Variants in ESR1 observed in about 807,000 individuals in gnomAD.
ESR1 encodes the protein estrogen receptor 1.
Under a neutral mutation model 52.7 loss-of-function variants are expected in ESR1, and 12 were observed. The ratio of observed to expected loss-of-function variants is 0.23; its 90% CI spans 0.15 to 0.37. The LOEUF (loss-of-function observed/expected upper bound fraction) is 0.37. ESR1 is among the 10% of genes least tolerant of loss of function. The probability of loss-of-function intolerance (pLI) is 1.00; values close to 1 mark genes in which losing one functional copy is unlikely to be tolerated. For synonymous variants in ESR1, 305 were observed against 316.8 expected (o/e 0.96, Z 0.39); for missense variants, 584 against 779.7 (o/e 0.75, Z 2.99).
intron 5 of ESR1, among the ~76,000 whole-genome samples, chr6:152,017,827 T>C (rs1454838159): frequency 6.6e-6 from 1 of 152,084 alleles, no homozygotes; most frequent in Non-Finnish European, 1.5e-5. Context: ...TGATCCAGTT[T>C]CTAAGGAACT....
chr6:152,000,168 A>G (rs564583625), intron 4 of ESR1, among the ~76,000 whole-genome samples: 1 of 152,180 alleles, frequency 6.6e-6, no homozygotes, highest in Non-Finnish European at 1.5e-5. Context: ...CTGCAGGGAT[A>G]GTGTTACCAT....
chr6:151,676,165 G>A lies in ESR1; in HGVS notation n.73+19402G>A, dbSNP rs768788067. Among the ~76,000 whole-genome samples the A allele has an allele frequency of 1.8e-4, 27 of 152,164 alleles. 1 individual carries two copies. The highest frequency in any genetic ancestry group is 1.0e-3 in the South Asian group (5 of 4,824). On this transcript the variant is annotated intron_variant and non_coding_transcript_variant, in intron 1 of 2. Coordinates refer to the ESR1 transcript ENST00000473497. ...GCAGGGGTCACAGGGAGGAGAGGTT[G>A]GGTGGGCAGACAGGAGGTGCCCGAA...
At chr6:152,088,677 C>T (rs1011065991) in intron 6 of ESR1, among the ~76,000 whole-genome samples, 4 of 152,142 alleles carry the variant, frequency 2.6e-5, no homozygotes, top group South Asian at 4.1e-4. Context: ...CTCGGGACCC[C>T]GCAGAGTCCC....
intron 1 of ESR1, among the ~76,000 whole-genome samples, chr6:151,657,915 G>A (rs1777510945): frequency 6.6e-6 from 1 of 152,108 alleles, no homozygotes. Context: ...GATGACCAGA[G>A]TTGTTCACTC....
At chr6:152,110,763 A>G (rs1437776517) in intron 6 of ESR1, among the ~76,000 whole-genome samples, 1 of 152,190 alleles carries the variant, frequency 6.6e-6, no homozygotes, top group Non-Finnish European at 1.5e-5. Context: ...TTTTAACGCA[A>G]AAGGAGTATT....
Position 152,053,580 on chromosome 6 carries a change from CTT to C in ESR1, c.1236-7409_1236-7408del, listed in dbSNP as rs1389077595. ...TCTTTCTCTCAATCCCTCTCTCCCT[CTT>C]TCTCTCTCTCAATCTGTTTCTCTGT... On this transcript the variant is annotated intron_variant, in intron 5 of 7. Coordinates refer to ENST00000206249, the MANE Select transcript of ESR1 (RefSeq NM_000125.4). The surrounding 1 kb of genome is among the most constrained non-coding windows in gnomAD (Gnocchi z 4.1). Among the ~76,000 whole-genome samples the C allele has an allele frequency of 6.6e-6, 1 of 151,722 alleles. No homozygotes were observed. Among genetic ancestry groups the C allele is most frequent in the Non-Finnish European group, 1.5e-5 (1 of 67,930 alleles).
rs566496802 is a variant in ESR1 at position 151,713,803 on chromosome 6, A to AT, written c.-71+11807dup. On this transcript the variant is annotated intron_variant, in intron 2 of 2. Coordinates refer to the ESR1 transcript ENST00000404742. ...AAAAAACCAGCTCCTGTGTTCATTG[A>AT]TTTTTTTTTGAAGTTTATTTTGTGT... Among the ~76,000 whole-genome samples the AT allele has an allele frequency of 8.7e-3, 1,312 of 151,114 alleles. 18 individuals carry two copies. The highest frequency in any genetic ancestry group is 0.03 in the African/African-American group (1,232 of 41,202).
At chr6:151,922,545 TG>T (rs2031906173) in intron 3 of ESR1, among the ~76,000 whole-genome samples, 1 of 152,216 alleles carries the variant, frequency 6.6e-6, no homozygotes, top group East Asian at 1.9e-4. Context: ...TTTGGCCATT[TG>T]GAGATTTTTC....
chr6:151,740,285 AT>A (rs386408967), intron 2 of ESR1, among the ~76,000 whole-genome samples: 3,797 of 107,896 alleles, frequency 0.035, 42 homozygotes, highest in African/African-American at 0.058. Flanking sequence ...TGCCTGGCTA[AT>A]TTTTTTTTTT....
intron 1 of ESR1, among the ~76,000 whole-genome samples, chr6:151,695,021 C>T (rs1489682325): frequency 1.3e-5 from 2 of 152,122 alleles, no homozygotes; most frequent in African/African-American, 2.4e-5. Context: ...AATGTGAGTA[C>T]AGCAGCAGTA....
intron 2 of ESR1, among the ~76,000 whole-genome samples, chr6:151,708,587 G>A (rs1057470526): frequency 2.6e-5 from 4 of 152,024 alleles, no homozygotes; most frequent in African/African-American, 9.7e-5. Flanking sequence ...CTATTTCCCT[G>A]CTTTCTAATC....
intron 2 of ESR1, among the ~76,000 whole-genome samples, chr6:151,880,156 A>C (rs1792576288): frequency 6.6e-6 from 1 of 151,026 alleles, no homozygotes; most frequent in Non-Finnish European, 1.5e-5. Flanking sequence ...TGTAGAAATT[A>C]AGTCCACGGG....
chr6:151,733,141 G>T (rs1782382548), intron 2 of ESR1, among the ~76,000 whole-genome samples: 1 of 152,166 alleles, frequency 6.6e-6, no homozygotes, highest in South Asian at 2.1e-4. Flanking sequence ...TTGCAATCAT[G>T]CAGTGAAACA....
At chr6:151,665,812 A>C (rs923768746) in intron 1 of ESR1, among the ~76,000 whole-genome samples, 3 of 152,232 alleles carry the variant, frequency 2.0e-5, no homozygotes, top group African/African-American at 7.2e-5. Flanking sequence ...AGGAATATAG[A>C]GACATTATCT....
intron 1 of ESR1, among the ~76,000 whole-genome samples, chr6:151,816,666 G>A (rs945226794): frequency 6.6e-6 from 1 of 152,090 alleles, no homozygotes; most frequent in African/African-American, 2.4e-5. Context: ...CAACCAAAAG[G>A]AAGCAGGAAG....
At chr6:151,988,569 G>A (rs559117754) in intron 4 of ESR1, among the ~76,000 whole-genome samples, 90 of 152,120 alleles carry the variant, frequency 5.9e-4, no homozygotes, top group African/African-American at 1.9e-3. Context: ...GGGGCCTTTC[G>A]GAGGGTGGAG....
intron 4 of ESR1, among the ~76,000 whole-genome samples, chr6:151,946,861 A>G (rs946006383): frequency 2.0e-5 from 3 of 152,242 alleles, no homozygotes; most frequent in Non-Finnish European, 4.4e-5. Flanking sequence ...CAAACTTTTC[A>G]GAAAAATAGA....
chr6:152,078,160 TGTG>T (rs1444763266), intron 6 of ESR1, among the ~76,000 whole-genome samples: 9 of 152,168 alleles, frequency 5.9e-5, no homozygotes, highest in Non-Finnish European at 1.3e-4. Context: ...ATACTGTTCT[TGTG>T]GTAGTGAGTA....
At chr6:152,073,093 C>T (rs571510186) in intron 6 of ESR1, among the ~76,000 whole-genome samples, 21 of 152,334 alleles carry the variant, frequency 1.4e-4, no homozygotes, top group East Asian at 5.8e-4. Context: ...AAATTATTCA[C>T]AGAAGCTTTA....
Sources: allele counts gnomAD v4.1 joint callset (sites outside exome capture counted in the v4.1 genomes callset), GRCh38; gene constraint gnomAD v4.1.1; non-coding constraint Gnocchi (gnomAD v3.1); transcripts MANE v1.5; gene names NCBI Gene and HGNC (gene_info 2026-07-23, HGNC 2026-07-21).